Variants in PPP4R2 observed in about 807,000 individuals in gnomAD.
PPP4R2 encodes serine/threonine-protein phosphatase 4 regulatory subunit 2.
PPP4R2 carries 13 observed loss-of-function variants against 47.2 expected under a neutral mutation model. The ratio of observed to expected loss-of-function variants is 0.28; its 90% CI spans 0.18 to 0.44. The LOEUF (loss-of-function observed/expected upper bound fraction) is 0.44. PPP4R2 is among the 20% of genes least tolerant of loss of function. The pLI is 1.00. For synonymous variants in PPP4R2, 151 were observed against 163.3 expected, an observed-to-expected ratio of 0.92 and a Z score of 0.57; for missense variants, 421 against 491.2, an observed-to-expected ratio of 0.86 and a Z score of 1.35.
At chr3:73,048,984 C>T (rs1357831080) in intron 3 of PPP4R2, among the ~76,000 whole-genome samples, 1 of 152,080 alleles carries the variant, frequency 6.6e-6, no homozygotes, top group Non-Finnish European at 1.5e-5. Flanking sequence ...CCCCTGGGGG[C>T]CTGGGATGGG....
intron 3 of PPP4R2, among the ~76,000 whole-genome samples, chr3:73,057,044 G>A (rs1304791072): frequency 6.6e-6 from 1 of 152,066 alleles, no homozygotes; most frequent in Non-Finnish European, 1.5e-5. Context: ...GTATCACTAT[G>A]GGGTGATTAA....
Position 73,062,479 on chromosome 3 carries a change from T to C in PPP4R2, c.420-1194T>C, listed in dbSNP as rs866545299. 2.5e-6 allele frequency: 4 copies of C among 1,613,206 alleles called. No homozygotes were observed. In the African/African-American group the frequency reaches 4.0e-5, roughly 16 times the overall value. On this transcript the variant is annotated intron_variant, in intron 5 of 8. Coordinates refer to ENST00000356692, the MANE Select transcript of PPP4R2 (RefSeq NM_174907.4). ...AGTTTAGTATTCTTGTGTTTCATAT[T>C]TGATGGGTTACACCAGGCATTACTG...
chr3:73,028,739 C>T (rs534616437), intron 2 of PPP4R2, among the ~76,000 whole-genome samples: 24 of 152,156 alleles, frequency 1.6e-4, no homozygotes, highest in South Asian at 1.2e-3. Context: ...CCACTGCGCC[C>T]GGCCAAGGTA....
chr3:72,998,535 G>C (rs1291253522), intron 2 of PPP4R2, among the ~76,000 whole-genome samples: 1 of 152,024 alleles, frequency 6.6e-6, no homozygotes, highest in Non-Finnish European at 1.5e-5. Context: ...CAGAGTCTTG[G>C]TGGTATTTTC....
chr3:73,064,086 T>G lies in PPP4R2; in HGVS notation c.578T>G (p.Leu193Trp). 6.2e-7 allele frequency: 1 copy of G among 1,613,748 alleles called. No homozygotes were observed. Among genetic ancestry groups the G allele is most frequent in the Non-Finnish European group, 8.5e-7 (1 of 1,179,804 alleles). ...TCAGCCCCCATGACAACAAATGGGTTGCCTGAGAGCACAGACAGCAAAGAG... is the reference window on the plus strand; with the variant it reads ...TCAGCCCCCATGACAACAAATGGGTGGCCTGAGAGCACAGACAGCAAAGAG... Reference protein sequence around the residue: ...SLSAPMTTNGLPESTDSKEAN... With the variant: ...SLSAPMTTNGWPESTDSKEAN... The change falls in exon 7 of 9, where the codon TTG becomes TGG. Residue 193 changes from leucine to tryptophan, a missense_variant. By Grantham distance (61) the Leu-to-Trp change is moderately conservative. This residue lies in a region of PPP4R2 where 317 missense variants were observed against 287.5 expected (regional missense o/e 1.10). Transcript: ENST00000356692.
chr3:73,002,066 T>C (rs770783439), intron 2 of PPP4R2, among the ~76,000 whole-genome samples: 15 of 152,228 alleles, frequency 9.9e-5, no homozygotes, highest in Non-Finnish European at 1.8e-4. Context: ...TGAGATCCAC[T>C]GTTGTAGCTC....
At chr3:73,033,310 G>A (rs1243596782) in intron 2 of PPP4R2, among the ~76,000 whole-genome samples, 1 of 152,086 alleles carries the variant, frequency 6.6e-6, no homozygotes, top group African/African-American at 2.4e-5. Context: ...TAAATCTGGA[G>A]CCCTCTTTGT....
At chr3:73,044,368 C>T (rs772611272) in intron 2 of PPP4R2, among the ~76,000 whole-genome samples, 7 of 152,132 alleles carry the variant, frequency 4.6e-5, no homozygotes, top group Non-Finnish European at 1.0e-4. Context: ...GGGCTGATCA[C>T]GAGGTCAGGA....
rs370367798 is a variant in PPP4R2 at position 72,999,944 on chromosome 3, T to G, written c.116+1786T>G. 6.6e-5 allele frequency among the ~76,000 whole-genome samples: 10 copies of G among 152,374 alleles called. 1 individual carries two copies. Among genetic ancestry groups the G allele is most frequent in the African/African-American group, 2.4e-4 (10 of 41,594 alleles). ...TTTTATCAACATGGCATATCTTTGA[T>G]ACTGACATTTGCAGAGTTTCTGCTA... is the stretch of plus-strand genomic sequence containing the variant. On this transcript the variant is annotated intron_variant, in intron 2 of 8. Transcript: ENST00000356692.
rs559564339 is a variant in PPP4R2 at position 73,045,942 on chromosome 3, A to G, written c.117-1244A>G. Among the ~76,000 whole-genome samples the G allele has an allele frequency of 1.1e-3, 167 of 152,336 alleles. 1 individual carries two copies. The highest frequency in any genetic ancestry group is 1.6e-3 in the Non-Finnish European group (106 of 68,034). On this transcript the variant is annotated intron_variant, in intron 2 of 8. Coordinates refer to ENST00000356692, the MANE Select transcript of PPP4R2 (RefSeq NM_174907.4). ...TTTGAGAATCTCATACCTCTTTGAT[A>G]TGCAGCATAATTTTTTTAATACCTG...
chr3:73,003,457 C>T (rs1319435407), intron 2 of PPP4R2, among the ~76,000 whole-genome samples: 1 of 152,064 alleles, frequency 6.6e-6, no homozygotes, highest in Non-Finnish European at 1.5e-5. Context: ...AAGTGATCCT[C>T]CCCCTGCCTT....
At chr3:73,056,973 T>C (rs1702743049) in intron 3 of PPP4R2, among the ~76,000 whole-genome samples, 1 of 152,120 alleles carries the variant, frequency 6.6e-6, no homozygotes, top group South Asian at 2.1e-4. Context: ...CCCAAACACT[T>C]GTTGAATACC....
chr3:73,048,118 G>A (rs917580615), intron 3 of PPP4R2, among the ~76,000 whole-genome samples: 30 of 152,056 alleles, frequency 2.0e-4, no homozygotes, highest in Non-Finnish European at 1.5e-5. Context: ...CTCATGATCC[G>A]CCTGCCTCGG....
At chr3:73,060,069 G>A (rs1702820373) in intron 4 of PPP4R2, among the ~76,000 whole-genome samples, 1 of 152,250 alleles carries the variant, frequency 6.6e-6, no homozygotes, top group East Asian at 1.9e-4. Flanking sequence ...GGACTAATGA[G>A]TTCTAATTTT....
At chr3:73,001,949 A>G (rs748095445) in intron 2 of PPP4R2, among the ~76,000 whole-genome samples, 1 of 152,140 alleles carries the variant, frequency 6.6e-6, no homozygotes, top group Admixed American at 6.6e-5. Context: ...TTTTAAGTGT[A>G]CAGTTTGGTG....
Position 73,062,512 on chromosome 3 carries a change from G to A in PPP4R2, c.420-1161G>A, listed in dbSNP as rs188731444. 6.2e-6 allele frequency: 10 copies of A among 1,613,742 alleles called. No homozygotes were observed. Among genetic ancestry groups the A allele is most frequent in the African/African-American group, 5.3e-5 (4 of 74,918 alleles). ...TTACACCAGGCATTACTGAGTGTTG[G>A]TGTGAGCAAGAGGTCTAATACTGTG... On this transcript the variant is annotated intron_variant, in intron 5 of 8. Coordinates refer to ENST00000356692, the MANE Select transcript of PPP4R2 (RefSeq NM_174907.4).
At chr3:73,019,072 A>T (rs1242190168) in intron 2 of PPP4R2, among the ~76,000 whole-genome samples, 1 of 152,178 alleles carries the variant, frequency 6.6e-6, no homozygotes, top group Non-Finnish European at 1.5e-5. Flanking sequence ...CACATATATG[A>T]TGGTGGTCCT....
intron 5 of PPP4R2, chr3:73,062,303 A>G (rs551080439): frequency 3.1e-6 from 5 of 1,607,604 alleles, no homozygotes; most frequent in Admixed American, 1.7e-5. Flanking sequence ...CTGACCTTCA[A>G]GGAAGATTTG....
chr3:73,008,211 CAT>C lies in PPP4R2; in HGVS notation c.116+10054_116+10055del, dbSNP rs1186165836. On this transcript the variant is annotated intron_variant, in intron 2 of 8. Coordinates refer to ENST00000356692, the MANE Select transcript of PPP4R2 (RefSeq NM_174907.4). Reference sequence around the variant, plus strand: ...ATCCATGTGTCACCTAAAGTCCTCTCATGTGCTGTCATCACAGTGGTACACAG... The same window carrying C: ...ATCCATGTGTCACCTAAAGTCCTCTCGTGCTGTCATCACAGTGGTACACAG... 2.6e-5 allele frequency among the ~76,000 whole-genome samples: 4 copies of C among 152,284 alleles called. 1 individual carries two copies. Among genetic ancestry groups the C allele is most frequent in the Admixed American group, 2.0e-4 (3 of 15,292 alleles).
Sources: gnomAD v4.1 joint callset for allele counts (sites outside exome capture counted in the v4.1 genomes callset) on GRCh38, gnomAD v4.1.1 for gene constraint, gnomAD v4.1.1 regional missense constraint, MANE v1.5 for transcripts, NCBI Gene and HGNC (gene_info 2026-07-23, HGNC 2026-07-21) for gene names.